The following CST8 variants were observed in gnomAD, a reference collection of about 807,000 sequenced individuals.
The protein encoded by CST8 is cystatin 8.
Under a neutral mutation model 11.8 loss-of-function variants are expected in CST8, and 20 were observed. The ratio of observed to expected loss-of-function variants is 1.70; its 90% CI spans 1.20 to 2.47. The LOEUF (loss-of-function observed/expected upper bound fraction) is 2.47, where lower values mean the gene tolerates loss of function less well. Among genes scored for constraint, CST8 ranks in the 30% most tolerant of loss-of-function variants. The pLI is 0.00. For synonymous variants in CST8, 77 were observed against 63.1 expected, an observed-to-expected ratio of 1.22 and a Z score of -1.05; for missense variants, 196 against 167.2, an observed-to-expected ratio of 1.17 and a Z score of -0.95.
chr20:23,494,097 C>T (rs1236475855), intron 3 of CST8, among the ~76,000 whole-genome samples: 1 of 152,160 alleles, frequency 6.6e-6, no homozygotes, highest in East Asian at 1.9e-4. Context: ...GAAACAAACC[C>T]TATCATTTCC....
At chr20:23,495,778 T>TC (rs1988026069) in intron 3 of CST8, 53 bp from the exon 4 acceptor site, 1 of 417,302 alleles carries the variant, frequency 2.4e-6, no homozygotes, top group Middle Eastern at 4.0e-4. Context: ...TTCTTTTCTT[T>TC]TTTTTTTTTT....
At chr20:23,499,858 T>C (rs1988141593), downstream of CST8, among the ~76,000 whole-genome samples, 1 of 152,124 alleles carries the variant, frequency 6.6e-6, no homozygotes, top group East Asian at 1.9e-4. Flanking sequence ...GCGATAAAAG[T>C]CTGTTTGTGT....
At chr20:23,493,621 A>T (rs986618834) in intron 3 of CST8, among the ~76,000 whole-genome samples, 1 of 152,180 alleles carries the variant, frequency 6.6e-6, no homozygotes, top group Non-Finnish European at 1.5e-5. Context: ...CCAGGTTTCC[A>T]GGAAGGTTGG....
chr20:23,491,747 A>G lies in CST8; in HGVS notation c.80A>G (p.Asn27Ser), dbSNP rs773627631. The change falls in exon 2 of 4, where the codon AAT becomes AGT. Residue 27 changes from asparagine to serine, a missense_variant. Transcript: ENST00000246012. ...GTGGCCAGGAAAGACCCAAAAAAGA[A>G]TGAGACAGGGGTGCTGAGGAAATTA... is the stretch of plus-strand genomic sequence containing the variant. ...ALVARKDPKK[N>S]ETGVLRKLKP... 4.3e-6 allele frequency: 7 copies of G among 1,614,094 alleles called. No homozygotes were observed. Among genetic ancestry groups the G allele is most frequent in the Middle Eastern group, 1.6e-4 (1 of 6,062 alleles).
intron 2 of CST8, among the ~76,000 whole-genome samples, chr20:23,492,398 A>C (rs1457864695): frequency 6.6e-6 from 1 of 152,248 alleles, no homozygotes; most frequent in Non-Finnish European, 1.5e-5. Context: ...TACTCACTAA[A>C]GACTCAGCAG....
At chr20:23,501,855 T>C in the CST8 span, among the ~76,000 whole-genome samples, 2 of 152,244 alleles carry the variant, frequency 1.3e-5, no homozygotes, top group East Asian at 1.9e-4. Flanking sequence ...TCAGATTCCT[T>C]GTTTTTAATA....
the CST8 span, among the ~76,000 whole-genome samples, chr20:23,503,934 G>A: frequency 6.6e-6 from 1 of 152,220 alleles, no homozygotes; most frequent in Non-Finnish European, 1.5e-5. Context: ...ACCTTCCCAC[G>A]TCATTGCTCA....
chr20:23,495,838 G>A lies in CST8; in HGVS notation c.353G>A (p.Ser118Asn), dbSNP rs777740748. The change falls in exon 4 of 4, where the codon AGC (serine) becomes AAC (asparagine). Residue 118 changes from serine to asparagine, a missense_variant. Coordinates refer to ENST00000246012, the MANE Select transcript of CST8 (RefSeq NM_005492.4). ...QENSKLKRKL[S>N]CSFLVGALPW... is the part of the protein sequence containing the mutation. Reference sequence around the variant, plus strand: ...TGTTGTCATCTTTTTCAGAAATTAAGCTGCAGCTTTTTGGTAGGAGCACTT... The same window carrying A: ...TGTTGTCATCTTTTTCAGAAATTAAACTGCAGCTTTTTGGTAGGAGCACTT... 9 of 1,592,432 alleles carry A rather than the reference G, an allele frequency of 5.7e-6. No individual in the cohort carries two copies. In the South Asian group the frequency reaches 8.0e-5, roughly 14 times the overall value.
intron 2 of CST8, 81 bp from the exon 3 acceptor site, chr20:23,492,877 T>A: frequency 2.4e-6 from 2 of 838,778 alleles, no homozygotes; most frequent in Non-Finnish European, 4.1e-6. Flanking sequence ...AGGACGAGAG[T>A]AAGAGTAATT....
chr20:23,494,948 T>C, intron 3 of CST8, among the ~76,000 whole-genome samples: 1 of 152,310 alleles, frequency 6.6e-6, no homozygotes, highest in East Asian at 1.9e-4. Flanking sequence ...TATTTTTTTC[T>C]GATCCTCTCT....
downstream of CST8, among the ~76,000 whole-genome samples, chr20:23,498,375 G>A (rs1988106413): frequency 6.6e-6 from 1 of 152,180 alleles, no homozygotes; most frequent in South Asian, 2.1e-4. Context: ...TATCTCCAAT[G>A]TCCATTAGGA....
intron 3 of CST8, among the ~76,000 whole-genome samples, chr20:23,493,790 G>A (rs995488395): frequency 1.6e-4 from 24 of 152,224 alleles, no homozygotes; most frequent in African/African-American, 5.3e-4. Context: ...GTGCATCACT[G>A]TCCCTGTCTT....
chr20:23,499,927 G>A (rs1291740040), downstream of CST8, among the ~76,000 whole-genome samples: 2 of 152,104 alleles, frequency 1.3e-5, no homozygotes, highest in African/African-American at 4.8e-5. Context: ...TCTGTAAGCG[G>A]TAGCAGCAGC....
At chr20:23,503,222 C>T in the CST8 span, among the ~76,000 whole-genome samples, 1 of 152,046 alleles carries the variant, frequency 6.6e-6, no homozygotes, top group South Asian at 2.1e-4. Flanking sequence ...CAAGCTAAAA[C>T]CAGGAAATAA....
At chr20:23,500,692 G>T (rs757310280), downstream of CST8, among the ~76,000 whole-genome samples, 11 of 151,674 alleles carry the variant, frequency 7.3e-5, no homozygotes, top group Non-Finnish European at 1.3e-4. Context: ...AGAGTGTGGG[G>T]GTGAAAATGG....
In CST8 at chr20:23,495,851, G is replaced by C. The variant is rs769830855; in HGVS notation, c.366G>C (p.Leu122Phe). 1 of 1,593,562 alleles carries C rather than the reference G, an allele frequency of 6.3e-7. No homozygotes were observed. Among genetic ancestry groups the C allele is most frequent in the African/African-American group, 1.4e-5 (1 of 70,902 alleles). The change falls in exon 4 of 4, where the codon TTG (leucine) becomes TTC (phenylalanine). Residue 122 changes from leucine to phenylalanine, a missense_variant. By Grantham distance (22) the Leu-to-Phe change is conservative (BLOSUM62 0). Coordinates refer to ENST00000246012, the MANE Select transcript of CST8 (RefSeq NM_005492.4). Reference protein sequence around the residue: ...KLKRKLSCSFLVGALPWNGEF... With the variant: ...KLKRKLSCSFFVGALPWNGEF... ...TTCAGAAATTAAGCTGCAGCTTTTTGGTAGGAGCACTTCCCTGGAATGGTG... is the reference window on the plus strand; with the variant it reads ...TTCAGAAATTAAGCTGCAGCTTTTTCGTAGGAGCACTTCCCTGGAATGGTG...
At chr20:23,501,697 A>G in the CST8 span, among the ~76,000 whole-genome samples, 1 of 152,216 alleles carries the variant, frequency 6.6e-6, no homozygotes, top group Non-Finnish European at 1.5e-5. Context: ...CTGCCCAGGG[A>G]AGAGAGCAAG....
chr20:23,501,502 C>T, the CST8 span, among the ~76,000 whole-genome samples: 11 of 152,342 alleles, frequency 7.2e-5, no homozygotes, highest in South Asian at 2.1e-3. Context: ...CAGACACCTA[C>T]CGCTCGCTAT....
At chr20:23,496,050 T>C (rs555864348), downstream of CST8, 28 of 674,052 alleles carry the variant, frequency 4.2e-5, no homozygotes, top group South Asian at 4.8e-4. Context: ...TTTAGTTGCA[T>C]ATATGTGGGG....
Sources: allele counts gnomAD v4.1 joint callset (sites outside exome capture counted in the v4.1 genomes callset), GRCh38; gene constraint gnomAD v4.1.1; transcripts MANE v1.5; gene names NCBI Gene and HGNC (gene_info 2026-07-23, HGNC 2026-07-21).